GABRG3: variants seen among roughly 807,000 people sequenced by gnomAD.
GABRG3 encodes the protein gamma-aminobutyric acid type A receptor subunit gamma3.
A neutral mutation model predicts 48.8 loss-of-function variants in GABRG3; 25 were observed. The observed-to-expected ratio is 0.51, with a 90% confidence interval of 0.37 to 0.72. GABRG3 has a LOEUF of 0.72. Among genes scored for constraint, GABRG3 ranks in the 30% least tolerant of loss-of-function variants. The probability of loss-of-function intolerance (pLI) is 0.00; values close to 1 mark genes in which losing one functional copy is unlikely to be tolerated. For synonymous variants in GABRG3, 227 were observed against 217.6 expected, an observed-to-expected ratio of 1.04 and a Z score of -0.38; for missense variants, 394 against 577.9, an observed-to-expected ratio of 0.68 and a Z score of 3.26.
At chr15:27,100,947 G>A (rs943102395) in intron 3 of GABRG3, among the ~76,000 whole-genome samples, 3 of 152,102 alleles carry the variant, frequency 2.0e-5, no homozygotes, top group Non-Finnish European at 2.9e-5. Flanking sequence ...TTTCAATGTC[G>A]CACTGGAAGT....
At chr15:27,295,987 C>T (rs535487221) in intron 3 of GABRG3, among the ~76,000 whole-genome samples, 23 of 152,228 alleles carry the variant, frequency 1.5e-4, no homozygotes, top group African/African-American at 2.9e-4. Context: ...GTGGAACCTT[C>T]GTCCTACAAG....
At position 27,457,035 on chromosome 15, in the gene GABRG3, C is replaced by T. The variant is rs371011747; in HGVS notation, c.575-23615C>T. On this transcript the variant is annotated intron_variant, in intron 5 of 9. Transcript: ENST00000615808. The surrounding 1 kb of genome is among the most constrained non-coding windows in gnomAD (Gnocchi z 4.4). Reference sequence around the variant, plus strand: ...ACGCCGACCTCAGAAGGACCTGTGACAGCAGGGGTGTGGAAGTAGAAGGAG... The same window carrying T: ...ACGCCGACCTCAGAAGGACCTGTGATAGCAGGGGTGTGGAAGTAGAAGGAG... Among the ~76,000 whole-genome samples, 45 of 152,330 alleles carry T rather than the reference C, an allele frequency of 3.0e-4. No individual in the cohort carries two copies. In the South Asian group the frequency reaches 7.5e-3, roughly 25 times the overall value.
intron 3 of GABRG3, among the ~76,000 whole-genome samples, chr15:27,114,970 A>G (rs1897616844): frequency 2.0e-5 from 3 of 152,180 alleles, no homozygotes; most frequent in Admixed American, 2.0e-4. Context: ...AATAGATGCT[A>G]TTGGTCCTTG....
chr15:27,030,459 C>G (rs751711647), intron 3 of GABRG3, among the ~76,000 whole-genome samples: 2 of 152,040 alleles, frequency 1.3e-5, no homozygotes, highest in Non-Finnish European at 2.9e-5. Context: ...TATGCTTTTT[C>G]TAGTTATCGA....
rs117830295 is a variant in GABRG3 at position 27,033,738 on chromosome 15, A to G, written c.270+6917A>G. Among the ~76,000 whole-genome samples, 959 of 152,330 alleles carry G rather than the reference A, an allele frequency of 6.3e-3. 33 individuals carry two copies. The highest frequency in any genetic ancestry group is 0.045 in the Admixed American group (681 of 15,302). ...GTTTTAATATTATTTTATAAAATGA[A>G]CAATATTTCATTTTCCACTTGAAAA... On this transcript the variant is annotated intron_variant, in intron 3 of 9. Coordinates refer to ENST00000615808, the MANE Select transcript of GABRG3 (RefSeq NM_033223.5).
At chr15:27,235,916 A>G (rs1889945325) in intron 3 of GABRG3, among the ~76,000 whole-genome samples, 2 of 152,132 alleles carry the variant, frequency 1.3e-5, no homozygotes, top group Admixed American at 1.3e-4. Flanking sequence ...GATGATGAAA[A>G]GTCCTCCTCC....
chr15:27,434,885 A>C (rs1178503422), intron 5 of GABRG3, among the ~76,000 whole-genome samples: 1 of 152,124 alleles, frequency 6.6e-6, no homozygotes, highest in African/African-American at 2.4e-5. Flanking sequence ...AGTCCGACTG[A>C]AGGTTAGCCA....
chr15:27,141,732 C>T (rs940107522), intron 3 of GABRG3, among the ~76,000 whole-genome samples: 2 of 152,146 alleles, frequency 1.3e-5, no homozygotes, highest in Non-Finnish European at 2.9e-5. Flanking sequence ...TCATCCTGAA[C>T]AATATGTGTG....
chr15:27,195,558 T>C (rs1159411297), intron 3 of GABRG3, among the ~76,000 whole-genome samples: 5 of 152,128 alleles, frequency 3.3e-5, no homozygotes, highest in African/African-American at 4.8e-5. Flanking sequence ...TCTCAATCTC[T>C]TGACCTCATG....
chr15:27,215,250 G>A (rs765639332), intron 3 of GABRG3, among the ~76,000 whole-genome samples: 1 of 152,118 alleles, frequency 6.6e-6, no homozygotes, highest in African/African-American at 2.4e-5. Flanking sequence ...GGTGATGAGG[G>A]CCCCTTGCCT....
intron 3 of GABRG3, among the ~76,000 whole-genome samples, chr15:27,206,951 G>A (rs920434761): frequency 2.6e-5 from 4 of 152,152 alleles, no homozygotes; most frequent in African/African-American, 9.7e-5. Flanking sequence ...ATCACTGCAT[G>A]TGAGAGGTCT....
rs559110876 is a variant in GABRG3 at position 26,997,947 on chromosome 15, G to A, written c.202+20797G>A. Among the ~76,000 whole-genome samples the A allele has an allele frequency of 2.1e-4, 32 of 152,244 alleles. No homozygotes were observed. The South Asian group carries it at 6.2e-3, about 30-fold the overall frequency. On this transcript the variant is annotated intron_variant, in intron 2 of 9. Transcript: ENST00000615808. ...TGCCTCTGGGTCAGGGTAACTTATT[G>A]TTCATCCAGTATTTGGTCAGCAGTT...
intron 6 of GABRG3, among the ~76,000 whole-genome samples, chr15:27,515,210 A>G (rs1050507789): frequency 6.6e-6 from 1 of 151,988 alleles, no homozygotes; most frequent in African/African-American, 2.4e-5. Context: ...CTCCTGCCTC[A>G]GCCTCCTAAG....
intron 3 of GABRG3, among the ~76,000 whole-genome samples, chr15:27,303,169 G>T (rs1892270514): frequency 6.6e-6 from 1 of 151,278 alleles, no homozygotes; most frequent in Non-Finnish European, 1.5e-5. Flanking sequence ...GATGAAATTA[G>T]TGAAATCAAA....
chr15:27,083,713 G>A (rs1897028621), intron 3 of GABRG3, among the ~76,000 whole-genome samples: 3 of 152,174 alleles, frequency 2.0e-5, no homozygotes. Flanking sequence ...CATGAAGGAT[G>A]TTGAAATCTA....
intron 3 of GABRG3, among the ~76,000 whole-genome samples, chr15:27,269,354 C>T (rs1400291821): frequency 6.6e-6 from 1 of 152,196 alleles, no homozygotes; most frequent in Non-Finnish European, 1.5e-5. Context: ...CCACCTGATT[C>T]ACTAATTTCA....
chr15:27,308,490 A>T (rs1892829699), intron 3 of GABRG3, among the ~76,000 whole-genome samples: 1 of 148,018 alleles, frequency 6.8e-6, no homozygotes, highest in South Asian at 2.2e-4. Context: ...TAATGTAAAC[A>T]TACATGTTTT....
intron 3 of GABRG3, among the ~76,000 whole-genome samples, chr15:27,300,257 C>T (rs574212211): frequency 2.0e-5 from 3 of 152,280 alleles, no homozygotes; most frequent in African/African-American, 4.8e-5. Context: ...AATTACTTGG[C>T]ATATGGAGAC....
intron 3 of GABRG3, among the ~76,000 whole-genome samples, chr15:27,070,853 A>G (rs1595505822): frequency 2.0e-5 from 3 of 152,168 alleles, no homozygotes; most frequent in Non-Finnish European, 2.9e-5. Flanking sequence ...GAACTACCCA[A>G]TTCACTCCTT....
Sources: gnomAD v4.1 joint callset for allele counts (sites outside exome capture counted in the v4.1 genomes callset) on GRCh38, gnomAD v4.1.1 for gene constraint, Gnocchi (gnomAD v3.1) non-coding constraint, MANE v1.5 for transcripts, NCBI Gene and HGNC (gene_info 2026-07-23, HGNC 2026-07-21) for gene names.